The following CMSS1 variants were observed in gnomAD, a reference collection of about 807,000 sequenced individuals.
CMSS1 encodes cms1 ribosomal small subunit homolog.
Under a neutral mutation model 43.5 loss-of-function variants are expected in CMSS1, and 33 were observed. The ratio of observed to expected loss-of-function variants is 0.76; its 90% confidence interval spans 0.57 to 1.01. The LOEUF is 1.01. Ranked by LOEUF, CMSS1 falls within the 50% of genes least tolerant of loss-of-function variation. CMSS1 has a pLI of 0.00. For synonymous variants in CMSS1, 115 were observed against 117.2 expected (o/e 0.98, Z 0.12); for missense variants, 313 against 326.4 (o/e 0.96, Z 0.32).
intron 1 of CMSS1, among the ~76,000 whole-genome samples, chr3:99,867,614 T>C (rs1434599765): frequency 6.6e-6 from 1 of 152,168 alleles, no homozygotes; most frequent in African/African-American, 2.4e-5. Context: ...CTTGTCACCT[T>C]AGCTGCAACA....
Position 100,094,807 on chromosome 3 carries a change from C to G in CMSS1, c.65-52166C>G, listed in dbSNP as rs572763534. On this transcript the variant is annotated intron_variant, in intron 1 of 9. Transcript: ENST00000421999. ...CATGCCATTCTCCTGCCTCAGCCTC[C>G]CAAGTAGCTGGGACTACAGGCACCT... 9.2e-5 allele frequency among the ~76,000 whole-genome samples: 14 copies of G among 151,540 alleles called. 1 individual carries two copies. The highest frequency in any genetic ancestry group is 3.9e-4 in the Admixed American group (6 of 15,192).
intron 1 of CMSS1, among the ~76,000 whole-genome samples, chr3:99,920,179 A>T (rs1197340398): frequency 6.6e-6 from 1 of 152,246 alleles, no homozygotes; most frequent in Non-Finnish European, 1.5e-5. Context: ...AAGACCAGAA[A>T]TGCAGTAACA....
chr3:99,971,737 C>T (rs1022144606), intron 1 of CMSS1, among the ~76,000 whole-genome samples: 1 of 152,154 alleles, frequency 6.6e-6, no homozygotes, highest in Non-Finnish European at 1.5e-5. Flanking sequence ...AGGATACACA[C>T]GGAACCTCAA....
chr3:100,101,142 A>G (rs1288866273), intron 1 of CMSS1, among the ~76,000 whole-genome samples: 2 of 152,174 alleles, frequency 1.3e-5, no homozygotes, highest in Non-Finnish European at 2.9e-5. Context: ...AAACACATGT[A>G]TTAGCCTCTC....
intron 1 of CMSS1, among the ~76,000 whole-genome samples, chr3:100,119,678 C>G (rs1299716766): frequency 6.6e-6 from 1 of 152,202 alleles, no homozygotes; most frequent in Non-Finnish European, 1.5e-5. Context: ...AACTTCAGAA[C>G]AGCATCTCAC....
intron 1 of CMSS1, among the ~76,000 whole-genome samples, chr3:99,925,648 A>T (rs1300726690): frequency 1.3e-5 from 2 of 152,220 alleles, no homozygotes; most frequent in Non-Finnish European, 2.9e-5. Flanking sequence ...TTAGGGGCTT[A>T]TACGTGGATG....
Position 100,160,486 on chromosome 3 carries a change from C to G in CMSS1, c.210C>G (p.Thr70=), listed in dbSNP as rs770174000. ...PKERKENTTK[T]RKRRKKKITD... The stretch of plus-strand genomic sequence containing the variant: ...AAAGAAAAGAGAATACCACCAAGAC[C>G]AGGAAAAGAAGAAAGGTAATATTAA... The change falls in exon 3 of 10, where the codon ACC becomes ACG. Residue 70 remains threonine, a synonymous_variant. Coordinates refer to ENST00000421999, the MANE Select transcript of CMSS1 (RefSeq NM_032359.4). The G allele has an allele frequency of 6.7e-7, 1 of 1,499,742 alleles. No individual in the cohort carries two copies. The highest frequency in any genetic ancestry group is 1.1e-5 in the South Asian group (1 of 87,412). The allele number at this position is 1,499,742 out of a possible 1,614,324, so 92.9% of individuals were successfully genotyped here. A position where few individuals can be genotyped will look rare whatever the true frequency, so the allele number is the denominator to read the frequency against.
intron 3 of CMSS1, among the ~76,000 whole-genome samples, chr3:100,161,139 G>T (rs1437198193): frequency 6.6e-6 from 1 of 152,182 alleles, no homozygotes; most frequent in African/African-American, 2.4e-5. Flanking sequence ...TTCTCTCCCT[G>T]CCAAGAGGGG....
chr3:100,108,058 C>T (rs923893479), intron 1 of CMSS1, among the ~76,000 whole-genome samples: 12 of 151,930 alleles, frequency 7.9e-5, no homozygotes, highest in Admixed American at 3.9e-4. Flanking sequence ...CATACCTGTC[C>T]GTGGATGTGT....
At chr3:100,065,391 G>A (rs1262211867) in intron 1 of CMSS1, among the ~76,000 whole-genome samples, 1 of 152,174 alleles carries the variant, frequency 6.6e-6, no homozygotes, top group Non-Finnish European at 1.5e-5. Context: ...TGGAGAGTCA[G>A]AGGAATAAAG....
At chr3:100,139,389 T>C (rs1209232488) in intron 1 of CMSS1, among the ~76,000 whole-genome samples, 1 of 151,578 alleles carries the variant, frequency 6.6e-6, no homozygotes, top group Non-Finnish European at 1.5e-5. Context: ...TGATTAAAAA[T>C]CCAGCCAGGA....
At chr3:100,053,709 G>A (rs2065413231) in intron 1 of CMSS1, among the ~76,000 whole-genome samples, 1 of 152,108 alleles carries the variant, frequency 6.6e-6, no homozygotes, top group South Asian at 2.1e-4. Context: ...GCATTTAGGG[G>A]TCTACACTTG....
chr3:99,834,565 A>G (rs948683709), intron 1 of CMSS1, among the ~76,000 whole-genome samples: 3 of 152,234 alleles, frequency 2.0e-5, no homozygotes, highest in Non-Finnish European at 2.9e-5. Flanking sequence ...TGTTAAAATA[A>G]AATATACTAA....
chr3:100,133,729 C>T (rs953324291), intron 1 of CMSS1, among the ~76,000 whole-genome samples: 1 of 152,124 alleles, frequency 6.6e-6, no homozygotes, highest in African/African-American at 2.4e-5. Flanking sequence ...TATGTGAATA[C>T]TTTTCGTATA....
intron 1 of CMSS1, among the ~76,000 whole-genome samples, chr3:99,905,645 G>T (rs543529503): frequency 6.6e-6 from 1 of 152,260 alleles, no homozygotes; most frequent in Non-Finnish European, 1.5e-5. Flanking sequence ...TCCAGATTAA[G>T]TTATAGAATA....
chr3:100,119,364 C>G (rs1301998647), intron 1 of CMSS1, among the ~76,000 whole-genome samples: 1 of 152,230 alleles, frequency 6.6e-6, no homozygotes, highest in African/African-American at 2.4e-5. Flanking sequence ...TCCCATCCTT[C>G]CCACTGTCCC....
intron 2 of CMSS1, among the ~76,000 whole-genome samples, chr3:100,149,051 C>G (rs1027978967): frequency 2.0e-5 from 3 of 152,166 alleles, no homozygotes; most frequent in African/African-American, 7.2e-5. Flanking sequence ...CAATGTCTAC[C>G]TACAGGACTT....
intron 1 of CMSS1, among the ~76,000 whole-genome samples, chr3:100,039,090 A>T (rs1466396151): frequency 6.6e-6 from 1 of 152,228 alleles, no homozygotes; most frequent in South Asian, 2.1e-4. Context: ...TATAAAAAGA[A>T]TAGGAAATTA....
At chr3:100,020,645 TA>T (rs1230009465) in intron 1 of CMSS1, among the ~76,000 whole-genome samples, 2 of 152,070 alleles carry the variant, frequency 1.3e-5, no homozygotes, top group African/African-American at 4.8e-5. Flanking sequence ...AAAATAGTCT[TA>T]AAGTTCTTAA....
Sources: gnomAD v4.1 joint callset for allele counts (sites outside exome capture counted in the v4.1 genomes callset) on GRCh38, gnomAD v4.1.1 for gene constraint, MANE v1.5 for transcripts, NCBI Gene and HGNC (gene_info 2026-07-23, HGNC 2026-07-21) for gene names.